The following RNF144B variants were observed in gnomAD, a reference collection of about 807,000 sequenced individuals.
The protein encoded by RNF144B is E3 ubiquitin-protein ligase RNF144B.
A neutral mutation model predicts 40.2 loss-of-function variants in RNF144B; 25 were observed. The ratio of observed to expected loss-of-function variants is 0.62; its 90% CI spans 0.45 to 0.87. The LOEUF (loss-of-function observed/expected upper bound fraction) is 0.87. Among genes scored for constraint, RNF144B ranks in the 40% least tolerant of loss-of-function variants. RNF144B has a pLI of 0.00. For missense variants in RNF144B, 365 were observed against 373.7 expected (o/e 0.98, Z 0.19); for synonymous variants, 145 against 136.3 (o/e 1.06, Z -0.44).
intron 2 of RNF144B, among the ~76,000 whole-genome samples, chr6:18,421,251 C>CA (rs1177364811): frequency 9.2e-4 from 119 of 129,916 alleles, no homozygotes; most frequent in East Asian, 5.1e-3. Context: ...GAAACCATCT[C>CA]AAAAAAAAAA....
chr6:18,428,927 C>T (rs1327148395), intron 3 of RNF144B, among the ~76,000 whole-genome samples: 4 of 152,174 alleles, frequency 2.6e-5, no homozygotes. Flanking sequence ...TGCTGTGGCT[C>T]ACACCTGTAA....
At position 18,459,398 on chromosome 6, in the gene RNF144B, A is replaced by G. The variant is rs1440540750; in HGVS notation, c.537-209A>G. Among the ~76,000 whole-genome samples, 1 of 152,028 alleles carries G rather than the reference A, an allele frequency of 6.6e-6. No homozygotes were observed. The highest frequency in any genetic ancestry group is 2.4e-5 in the African/African-American group (1 of 41,420). On this transcript the variant is annotated intron_variant, in intron 5 of 7. Coordinates refer to ENST00000259939, the MANE Select transcript of RNF144B (RefSeq NM_182757.4). This position sits in a 1 kb window ranked among gnomAD's most constrained non-coding sequence, Gnocchi z 4.2. ...AGTTAAATCAGTGGTGGAAACTGTA[A>G]TTATATAATTCACTGAAAGCCAAAA...
At chr6:18,407,984 CTT>C (rs370801682) in intron 2 of RNF144B, among the ~76,000 whole-genome samples, 84,527 of 133,346 alleles carry the variant, frequency 0.63, 26,621 homozygotes, top group Non-Finnish European at 0.68. Context: ...CTTTCTTTTT[CTT>C]TTTTTTTTTT....
At chr6:18,439,903 C>T (rs1167307228) in intron 4 of RNF144B, among the ~76,000 whole-genome samples, 159 bp downstream of exon 4, 1 of 152,128 alleles carries the variant, frequency 6.6e-6, no homozygotes, top group East Asian at 1.9e-4. Flanking sequence ...AATTTCAAGC[C>T]TCTAAGCTAC....
At chr6:18,451,928 C>T (rs1421595046) in intron 4 of RNF144B, among the ~76,000 whole-genome samples, 1 of 152,176 alleles carries the variant, frequency 6.6e-6, no homozygotes, top group Non-Finnish European at 1.5e-5. Flanking sequence ...CCAAGTCTTG[C>T]CAAATCGATG....
chr6:18,410,178 A>G lies in RNF144B; in HGVS notation c.165+10479A>G, dbSNP rs1582408493. Among the ~76,000 whole-genome samples the G allele has an allele frequency of 6.6e-6, 1 of 152,200 alleles. No homozygotes were observed. Among genetic ancestry groups the G allele is most frequent in the African/African-American group, 2.4e-5 (1 of 41,448 alleles). On this transcript the variant is annotated intron_variant, in intron 2 of 7. Transcript: ENST00000259939. This position sits in a 1 kb window ranked among gnomAD's most constrained non-coding sequence, Gnocchi z 4.6. ...GAGAACTTTTCCATTGTTGCCACTA[A>G]GTCACCAAAGTTTATGTATTTCTTC...
At chr6:18,432,499 A>G (rs1295901990) in intron 3 of RNF144B, among the ~76,000 whole-genome samples, 3 of 152,252 alleles carry the variant, frequency 2.0e-5, no homozygotes, top group Non-Finnish European at 4.4e-5. Context: ...ATCATGTCCA[A>G]CATGAAATTA....
rs1273786304 is a variant in RNF144B, at chr6:18,463,276, C to A, written c.682-15C>A. ...AAACTGCATATTTACTGAAATCAAT[C>A]TTTTTATTTTTCAGAATGACATTTT... On this transcript the variant is annotated splice_polypyrimidine_tract_variant and intron_variant, in intron 6 of 7. Transcript: ENST00000259939. 5.3e-6 allele frequency: 8 copies of A among 1,512,408 alleles called. No homozygotes were observed. Among genetic ancestry groups the A allele is most frequent in the Admixed American group, 3.3e-5 (2 of 59,820 alleles). The allele number at this position is 1,512,408 out of a possible 1,614,324, so 93.7% of individuals were successfully genotyped here. A position where few individuals can be genotyped will look rare whatever the true frequency, so the allele number is the denominator to read the frequency against.
rs1172849662 is a variant in RNF144B at position 18,406,878 on chromosome 6, C to G, written c.165+7179C>G. ...AAGGAGGTTTAATTGACTCACAGTT[C>G]TGCATGGATGGGGAGGCCTCAGGAA... On this transcript the variant is annotated intron_variant, in intron 2 of 7. Transcript: ENST00000259939. The surrounding 1 kb of genome is among the most constrained non-coding windows in gnomAD (Gnocchi z 4.2). 6.6e-6 allele frequency among the ~76,000 whole-genome samples: 1 copy of G among 152,090 alleles called. No individual in the cohort carries two copies. Among genetic ancestry groups the G allele is most frequent in the Non-Finnish European group, 1.5e-5 (1 of 68,024 alleles).
At chr6:18,449,715 A>C (rs1409192363) in intron 4 of RNF144B, among the ~76,000 whole-genome samples, 2 of 151,856 alleles carry the variant, frequency 1.3e-5, no homozygotes, top group Admixed American at 6.6e-5. Context: ...ATATATATAC[A>C]TTGTGGATAT....
At chr6:18,394,580 A>G (rs1343132649) in intron 1 of RNF144B, among the ~76,000 whole-genome samples, 1 of 151,440 alleles carries the variant, frequency 6.6e-6, no homozygotes, top group Admixed American at 6.6e-5. Context: ...CGTGGATGAC[A>G]GAGTGATACT....
At chr6:18,454,554 T>G (rs72832483) in intron 4 of RNF144B, among the ~76,000 whole-genome samples, 1,660 of 152,294 alleles carry the variant, frequency 0.011, 23 homozygotes, top group Middle Eastern at 0.027. Context: ...CTTTTTCTTT[T>G]TCTACACTCC....
rs1395384166 is a variant in RNF144B, at chr6:18,447,907, A to G, written c.331+8163A>G. Among the ~76,000 whole-genome samples, 2 of 152,216 alleles carry G rather than the reference A, an allele frequency of 1.3e-5. No homozygotes were observed. Among genetic ancestry groups the G allele is most frequent in the African/African-American group, 2.4e-5 (1 of 41,460 alleles). On this transcript the variant is annotated intron_variant, in intron 4 of 7. Transcript: ENST00000259939. This position sits in a 1 kb window ranked among gnomAD's most constrained non-coding sequence, Gnocchi z 5.6. ...GGAGATTGACAAAGGATGGCCAGAA[A>G]TATGAATCCAGAAGGTGGGTGAAGA...
intron 2 of RNF144B, among the ~76,000 whole-genome samples, chr6:18,415,706 C>T (rs1290785424): frequency 1.3e-5 from 2 of 152,066 alleles, no homozygotes; most frequent in African/African-American, 4.8e-5. Flanking sequence ...AATATTCATT[C>T]TGCATTCTCT....
rs1759406388 is a variant in RNF144B at position 18,459,557 on chromosome 6, C to T, written c.537-50C>T. 2 of 1,588,152 alleles carry T rather than the reference C, an allele frequency of 1.3e-6. No homozygotes were observed. Among genetic ancestry groups the T allele is most frequent in the Admixed American group, 1.7e-5 (1 of 58,796 alleles). On this transcript the variant is annotated intron_variant, in intron 5 of 7. Coordinates refer to ENST00000259939, the MANE Select transcript of RNF144B (RefSeq NM_182757.4). This position sits in a 1 kb window ranked among gnomAD's most constrained non-coding sequence, Gnocchi z 4.2. ...CTAACCATCAGGAGCCCTGGGAATT[C>T]AACTGATGACCATCAGCTGAATGCC...
rs1300812324 is a variant in RNF144B, at chr6:18,457,720, A to G, written c.536+361A>G. 6.6e-6 allele frequency among the ~76,000 whole-genome samples: 1 copy of G among 152,188 alleles called. No individual in the cohort carries two copies. Among genetic ancestry groups the G allele is most frequent in the Non-Finnish European group, 1.5e-5 (1 of 68,034 alleles). On this transcript the variant is annotated intron_variant, in intron 5 of 7. Coordinates refer to ENST00000259939, the MANE Select transcript of RNF144B (RefSeq NM_182757.4). The surrounding 1 kb of genome is among the most constrained non-coding windows in gnomAD (Gnocchi z 5.1). ...GTATATATCATTCTTGTTGCTTGCA[A>G]AATGAGAAAAGAAATTTTCTTACCT...
rs531350153 is a variant in RNF144B, at chr6:18,419,772, A to T, written c.166-7809A>T. On this transcript the variant is annotated intron_variant, in intron 2 of 7. Transcript: ENST00000259939. This position sits in a 1 kb window ranked among gnomAD's most constrained non-coding sequence, Gnocchi z 4.6. ...TCAAACATTTGATTGTGAAGAGTTG[A>T]GGAGTGAAGAAGGCAGTATACAGCC... Among the ~76,000 whole-genome samples, 6 of 152,282 alleles carry T rather than the reference A, an allele frequency of 3.9e-5. No individual in the cohort carries two copies. In the South Asian group the frequency reaches 1.2e-3, roughly 32 times the overall value.
rs764442530 is a variant in RNF144B, at chr6:18,463,431, A to G, written c.771+51A>G. ...ACATAAACCAAAATCGTGATGGCTTAAAGAGCCCACCTCTTCGCCTTTCCT... is the reference window on the plus strand; with the variant it reads ...ACATAAACCAAAATCGTGATGGCTTGAAGAGCCCACCTCTTCGCCTTTCCT... On this transcript the variant is annotated intron_variant, in intron 7 of 7. Coordinates refer to ENST00000259939, the MANE Select transcript of RNF144B (RefSeq NM_182757.4). The G allele has an allele frequency of 1.2e-5, 13 of 1,052,458 alleles. No homozygotes were observed. The African/African-American group carries it at 1.9e-4, about 15-fold the overall frequency. The allele number at this position is 1,052,458 out of a possible 1,614,324, so 65.2% of individuals were successfully genotyped here. A position where few individuals can be genotyped will look rare whatever the true frequency, so the allele number is the denominator to read the frequency against.
chr6:18,457,342 C>G lies in RNF144B; in HGVS notation c.519C>G (p.Val173=). ...CCTGTAGAGACAGTCAGCCTATTGT[C>G]CTGCCAACAGAGCACCGGTAAGAAA... ...EVSCRDSQPI[V]LPTEHRALFG... Residue 173 remains valine, a synonymous_variant, in exon 5 of 8, where the codon GTC becomes GTG. Transcript: ENST00000259939. The surrounding 1 kb of genome is among the most constrained non-coding windows in gnomAD (Gnocchi z 5.1). 7 of 1,613,668 alleles carry G rather than the reference C, an allele frequency of 4.3e-6. No individual in the cohort carries two copies. The highest frequency in any genetic ancestry group is 5.9e-6 in the Non-Finnish European group (7 of 1,179,580).
Sources: allele counts gnomAD v4.1 joint callset (sites outside exome capture counted in the v4.1 genomes callset), GRCh38; gene constraint gnomAD v4.1.1; non-coding constraint Gnocchi (gnomAD v3.1); transcripts MANE v1.5; gene names NCBI Gene and HGNC (gene_info 2026-07-23, HGNC 2026-07-21).